KLHL3: variants seen among roughly 807,000 people sequenced by gnomAD.
The protein encoded by KLHL3 is kelch like family member 3.
A neutral mutation model predicts 70.5 loss-of-function variants in KLHL3; 19 were observed. The ratio of observed to expected loss-of-function variants is 0.27; its 90% CI spans 0.19 to 0.40. The LOEUF (loss-of-function observed/expected upper bound fraction) is 0.40. Ranked by LOEUF, KLHL3 falls within the 10% of genes least tolerant of loss-of-function variation. The pLI is 1.00. For missense variants in KLHL3, 512 were observed against 771.1 expected (o/e 0.66, Z 3.98); for synonymous variants, 258 against 290.3 (o/e 0.89, Z 1.13).
chr5:137,698,796 A>G (rs2149922253), intron 3 of KLHL3, among the ~76,000 whole-genome samples: 1 of 152,396 alleles, frequency 6.6e-6, no homozygotes, highest in East Asian at 1.9e-4. Flanking sequence ...AAAAGTGTTT[A>G]TAAACAGAGG....
intron 8 of KLHL3, among the ~76,000 whole-genome samples, chr5:137,644,633 A>C (rs950937171): frequency 6.6e-6 from 1 of 152,198 alleles, no homozygotes; most frequent in Non-Finnish European, 1.5e-5. Context: ...AGAAAACCCA[A>C]ACAGACCAAT....
chr5:137,687,845 C>T lies in KLHL3; in HGVS notation c.526+4440G>A, dbSNP rs1752226144. ...AAGAAAAATTCTTCTGCCTTGGGAT[C>T]CTGTTGATCTGTGACCTTATCCCCA... On this transcript the variant is annotated intron_variant, in intron 5 of 14. Coordinates refer to ENST00000309755, the MANE Select transcript of KLHL3 (RefSeq NM_017415.3). Among the ~76,000 whole-genome samples the T allele has an allele frequency of 5.3e-5, 2 of 37,992 alleles. 1 individual carries two copies. Among genetic ancestry groups the T allele is most frequent in the African/African-American group, 2.6e-4 (2 of 7,662 alleles). The allele number at this position is 37,992 out of a possible 152,430, so 24.9% of individuals were successfully genotyped here. A position where few individuals can be genotyped will look rare whatever the true frequency, so the allele number is the denominator to read the frequency against.
At chr5:137,647,337 A>G (rs1751074759) in intron 8 of KLHL3, among the ~76,000 whole-genome samples, 1 of 152,180 alleles carries the variant, frequency 6.6e-6, no homozygotes, top group Non-Finnish European at 1.5e-5. Context: ...CCTGTGTCTG[A>G]GAGCCATTAG....
At chr5:137,668,774 C>A (rs1439784162) in intron 6 of KLHL3, among the ~76,000 whole-genome samples, 3 of 152,196 alleles carry the variant, frequency 2.0e-5, no homozygotes, top group Non-Finnish European at 4.4e-5. Context: ...CTTCCTAACT[C>A]CACGTTTAGT....
rs112617840 is a variant in KLHL3, at chr5:137,676,630, C to T, written c.636+915G>A. ...ACCTACTAGGTACCAAGGACTATACCATGCATTTTACATATATTATCCCAA... is the reference window on the plus strand; with the variant it reads ...ACCTACTAGGTACCAAGGACTATACTATGCATTTTACATATATTATCCCAA... On this transcript the variant is annotated intron_variant, in intron 6 of 14. Coordinates refer to ENST00000309755, the MANE Select transcript of KLHL3 (RefSeq NM_017415.3). Among the ~76,000 whole-genome samples, 32 of 152,246 alleles carry T rather than the reference C, an allele frequency of 2.1e-4. 3 individuals are homozygous for T. Among genetic ancestry groups the T allele is most frequent in the African/African-American group, 7.2e-4 (30 of 41,548 alleles).
At chr5:137,675,437 G>T (rs1378440821) in intron 6 of KLHL3, among the ~76,000 whole-genome samples, 2 of 152,108 alleles carry the variant, frequency 1.3e-5, no homozygotes, top group Non-Finnish European at 2.9e-5. Flanking sequence ...AATGACAACT[G>T]CCATTTATTG....
intron 8 of KLHL3, among the ~76,000 whole-genome samples, chr5:137,646,264 T>A (rs1419235268): frequency 1.3e-5 from 2 of 152,306 alleles, no homozygotes; most frequent in East Asian, 3.9e-4. Flanking sequence ...TTAGAAGGTC[T>A]ACTGCAGAAA....
At position 137,736,067 on chromosome 5, in the gene KLHL3, C is replaced by T; in HGVS notation, c.-421G>A. ...TAGCCCGCCCCTGGGGCTCCTGCCT[C>T]CTCTGTCTAGGCTGCAAAGAATCAG... On this transcript the variant is annotated 5_prime_UTR_variant, in exon 1 of 15. Coordinates refer to ENST00000309755, the MANE Select transcript of KLHL3 (RefSeq NM_017415.3). 1 of 329,234 alleles carries T rather than the reference C, an allele frequency of 3.0e-6. No homozygotes were observed. The highest frequency in any genetic ancestry group is 6.0e-6 in the Non-Finnish European group (1 of 167,094). The allele number at this position is 329,234 out of a possible 1,614,324, so 20.4% of individuals were successfully genotyped here.
At chr5:137,702,759 CTG>C (rs1231559305) in intron 3 of KLHL3, among the ~76,000 whole-genome samples, 1 of 152,200 alleles carries the variant, frequency 6.6e-6, no homozygotes, top group African/African-American at 2.4e-5. Context: ...GTTGGCCTGA[CTG>C]TGTCTTGAAC....
At chr5:137,694,195 G>A (rs1752391370) in intron 4 of KLHL3, among the ~76,000 whole-genome samples, 1 of 151,818 alleles carries the variant, frequency 6.6e-6, no homozygotes, top group South Asian at 2.1e-4. Flanking sequence ...CCTACCCACA[G>A]GCTTACACTT....
chr5:137,724,187 A>T (rs1753049842), intron 1 of KLHL3, among the ~76,000 whole-genome samples: 1 of 152,260 alleles, frequency 6.6e-6, no homozygotes, highest in African/African-American at 2.4e-5. Flanking sequence ...AACTGTGGAG[A>T]GACTTAAAAG....
chr5:137,712,072 C>T (rs563626007), intron 2 of KLHL3, among the ~76,000 whole-genome samples: 4 of 145,794 alleles, frequency 2.7e-5, no homozygotes, highest in Non-Finnish European at 6.0e-5. Context: ...GCATGAGAAT[C>T]GCTTGAAACC....
chr5:137,657,374 T>C (rs1751369558), intron 8 of KLHL3, among the ~76,000 whole-genome samples: 1 of 152,108 alleles, frequency 6.6e-6, no homozygotes, highest in Admixed American at 6.5e-5. Flanking sequence ...CATGTTAGAC[T>C]CCTAAAACGA....
At position 137,637,281 on chromosome 5, in the gene KLHL3, G is replaced by A. The variant is rs954491690; in HGVS notation, c.1321+13C>T. ...CAGGTAGGCCTGGCCACTGGCCACT[G>A]CCGCCTCCTTACCCTCCACAACGCC... On this transcript the variant is annotated intron_variant, in intron 11 of 14. Coordinates refer to ENST00000309755, the MANE Select transcript of KLHL3 (RefSeq NM_017415.3). 1.2e-6 allele frequency: 2 copies of A among 1,612,142 alleles called. No individual in the cohort carries two copies. Among genetic ancestry groups the A allele is most frequent in the Non-Finnish European group, 1.7e-6 (2 of 1,178,262 alleles).
intron 14 of KLHL3, among the ~76,000 whole-genome samples, chr5:137,624,757 T>G (rs1201250605): frequency 6.6e-6 from 1 of 152,204 alleles, no homozygotes; most frequent in Non-Finnish European, 1.5e-5. Flanking sequence ...GTTATCTCTA[T>G]TCCAGGTTCT....
At chr5:137,689,603 T>G (rs1752267358) in intron 5 of KLHL3, among the ~76,000 whole-genome samples, 1 of 152,192 alleles carries the variant, frequency 6.6e-6, no homozygotes, top group Non-Finnish European at 1.5e-5. Context: ...TGTTTTCACT[T>G]GTAAGTGGGC....
chr5:137,677,322 C>A (rs1751908195), intron 6 of KLHL3: 2 of 365,458 alleles, frequency 5.5e-6, no homozygotes, highest in South Asian at 1.5e-4. Context: ...GTGGCGGGTG[C>A]CTATAATCCC....
chr5:137,659,788 A>C (rs767560805), intron 7 of KLHL3, among the ~76,000 whole-genome samples: 3 of 152,242 alleles, frequency 2.0e-5, no homozygotes. Context: ...ATTTGAATGT[A>C]ATGAATGCCT....
chr5:137,662,157 A>T, intron 6 of KLHL3, 126 bp from the exon 7 acceptor site: 2 of 612,408 alleles, frequency 3.3e-6, no homozygotes, highest in Non-Finnish European at 2.9e-6. Context: ...AAGGTGTTTA[A>T]TTAATCTGAG....
Sources: allele counts gnomAD v4.1 joint callset (sites outside exome capture counted in the v4.1 genomes callset), GRCh38; gene constraint gnomAD v4.1.1; transcripts MANE v1.5; gene names NCBI Gene and HGNC (gene_info 2026-07-23, HGNC 2026-07-21).